Variants in PLEKHG5 observed in about 807,000 individuals in gnomAD.
The protein encoded by PLEKHG5 is pleckstrin homology and RhoGEF domain containing G5, also known as pleckstrin homology domain-containing family G member 5.
A neutral mutation model predicts 103.8 loss-of-function variants in PLEKHG5; 52 were observed. That is an observed-to-expected ratio of 0.50 (90% CI 0.40 to 0.63). The LOEUF (loss-of-function observed/expected upper bound fraction) is 0.63. Ranked by LOEUF, PLEKHG5 falls within the 30% of genes least tolerant of loss-of-function variation. The pLI, the probability that PLEKHG5 is intolerant of heterozygous loss-of-function variation, is 0.00. For synonymous variants in PLEKHG5, 592 were observed against 575.5 expected, an observed-to-expected ratio of 1.03 and a Z score of -0.41; for missense variants, 1,205 against 1,347.6, an observed-to-expected ratio of 0.89 and a Z score of 1.66.
rs1016266700 is a variant in PLEKHG5, at chr1:6,472,766, A to G, written c.985-144T>C. 28 of 752,752 alleles carry G rather than the reference A, an allele frequency of 3.7e-5. No homozygotes were observed. The Admixed American group carries it at 5.0e-4, about 14-fold the overall frequency. 46.6% of individuals were successfully genotyped at this position (752,752 alleles called of 1,614,324 possible). The stretch of plus-strand genomic sequence containing the variant: ...GGAGCAGGGTCACCCTTGACACCAC[A>G]TGAGTAATCACAGTTAAGACACCCA... On this transcript the variant is annotated intron_variant, in intron 9 of 20. Transcript: ENST00000377728.
intron 1 of PLEKHG5, among the ~76,000 whole-genome samples, chr1:6,477,987 T>G (rs1644808535): frequency 6.6e-6 from 1 of 152,014 alleles, no homozygotes; most frequent in African/African-American, 2.4e-5. Flanking sequence ...TTCACGCAAT[T>G]CTCCTGCCTC....
At chr1:6,485,431 G>A (rs1645006897) in intron 1 of PLEKHG5, 2 of 1,291,684 alleles carry the variant, frequency 1.5e-6, no homozygotes, top group Non-Finnish European at 2.0e-6. Context: ...GAGACACCGG[G>A]TCCTGTCCCC....
In PLEKHG5 at chr1:6,471,789, A is replaced by C; in HGVS notation, c.1100T>G (p.Leu367Arg). ...VIINLFLCCLLNLQESGLLCE... is the reference protein window; with the variant it reads ...VIINLFLCCLRNLQESGLLCE... ...CAGCAGCCCTGACTCTTGCAGGTTC[A>C]GGAGGCAGCACAGGAACAGCTGTGG... The change falls in exon 11 of 21, where the codon CTG (leucine) becomes CGG (arginine). Residue 367 changes from leucine (L) to arginine (R), a missense_variant. Physicochemically the swap from Leu to Arg is moderately radical, Grantham distance 102 (BLOSUM62 -2). Coordinates refer to ENST00000377728, the MANE Select transcript of PLEKHG5 (RefSeq NM_020631.6). 6.2e-7 allele frequency: 1 copy of C among 1,610,070 alleles called. No homozygotes were observed. Among genetic ancestry groups the C allele is most frequent in the African/African-American group, 1.3e-5 (1 of 74,992 alleles).
upstream of PLEKHG5, among the ~76,000 whole-genome samples, chr1:6,493,816 C>T (rs534907723): frequency 5.9e-5 from 9 of 152,026 alleles, no homozygotes; most frequent in Admixed American, 2.0e-4. Context: ...CCACCATGTC[C>T]GGCTAATTAT....
upstream of PLEKHG5, among the ~76,000 whole-genome samples, chr1:6,494,475 G>C (rs998122703): frequency 2.6e-5 from 4 of 151,422 alleles, no homozygotes; most frequent in Non-Finnish European, 2.9e-5. Flanking sequence ...TATTGCCCAG[G>C]TTGGCCTCAA....
chr1:6,473,086 T>A lies in PLEKHG5; in HGVS notation c.884A>T (p.Asp295Val), dbSNP rs1356599252. ...GTACTCCTCCTCCCAGGAGTCATGG[T>A]CGAAGCGCAGCCCCCGGGGCAGCCT... is the stretch of plus-strand genomic sequence containing the variant. Reference protein sequence around the residue: ...LPRLPRGLRFDHDSWEEEYDE... With the variant: ...LPRLPRGLRFVHDSWEEEYDE... The change falls in exon 9 of 21, where the codon GAC becomes GTC. Residue 295 changes from aspartate to valine, a missense_variant. Coordinates refer to ENST00000377728, the MANE Select transcript of PLEKHG5 (RefSeq NM_020631.6). 5 of 1,613,850 alleles carry A rather than the reference T, an allele frequency of 3.1e-6. No homozygotes were observed. The African/African-American group carries it at 6.7e-5, about 22-fold the overall frequency.
Position 6,469,672 on chromosome 1 carries a change from T to C in PLEKHG5, c.1805A>G (p.Asp602Gly). The C allele has an allele frequency of 6.2e-7, 1 of 1,612,740 alleles. No individual in the cohort carries two copies. The highest frequency in any genetic ancestry group is 8.5e-7 in the Non-Finnish European group (1 of 1,179,758). ...RMKEGKDSKM[D>G]VYCFLFTDLL... is the part of the protein sequence containing the mutation. ...ATCCGTGAAGAGGAAGCAGTACACA[T>C]CCATCTGCAGTGGCAGGAGGGGGGG... Residue 602 changes from aspartate (D) to glycine (G), a missense_variant, in exon 17 of 21, where the codon GAT (aspartate) becomes GGT (glycine). Physicochemically the swap from Asp to Gly is moderately conservative, Grantham distance 94. Transcript: ENST00000377728.
At chr1:6,519,479 T>C (rs780943124) in exon 1 of PLEKHG5, 2 of 1,613,924 alleles carry the variant, frequency 1.2e-6, no homozygotes. Context: ...AGCTTCGAGG[T>C]GGAGACCCAT....
At chr1:6,472,792 A>G (rs1186658729) in intron 9 of PLEKHG5, among the ~76,000 whole-genome samples, 170 bp from the exon 10 acceptor site, 2 of 152,186 alleles carry the variant, frequency 1.3e-5, no homozygotes, top group Non-Finnish European at 2.9e-5. Flanking sequence ...AAGACACCCA[A>G]GATCTGGGCC....
At chr1:6,474,832 C>T in intron 5 of PLEKHG5, 1 of 663,196 alleles carries the variant, frequency 1.5e-6, no homozygotes, top group South Asian at 1.7e-5. Flanking sequence ...AGGCCTGGCT[C>T]CTGCATACAT....
At position 6,490,659 on chromosome 1, in the gene PLEKHG5, G is replaced by T. The variant is rs1346297660; in HGVS notation, c.-88+978C>A. Reference sequence around the variant, plus strand: ...CCGGCCGGGATGTACCAACGGCGCCGCCCGGCTGGGACCGGGGAGAGGAGG... The same window carrying T: ...CCGGCCGGGATGTACCAACGGCGCCTCCCGGCTGGGACCGGGGAGAGGAGG... On this transcript the variant is annotated intron_variant, in intron 1 of 20. Coordinates refer to ENST00000377728, the MANE Select transcript of PLEKHG5 (RefSeq NM_020631.6). This position sits in a 1 kb window ranked among gnomAD's most constrained non-coding sequence, Gnocchi z 8.0. 2 of 951,490 alleles carry T rather than the reference G, an allele frequency of 2.1e-6. No homozygotes were observed. The highest frequency in any genetic ancestry group is 2.5e-6 in the Non-Finnish European group (2 of 799,332). The allele number at this position is 951,490 out of a possible 1,614,324, so 58.9% of individuals were successfully genotyped here. A position where few individuals can be genotyped will look rare whatever the true frequency, so the allele number is the denominator to read the frequency against.
intron 1 of PLEKHG5, among the ~76,000 whole-genome samples, chr1:6,502,926 G>T (rs529690282): frequency 1.3e-5 from 2 of 152,212 alleles, no homozygotes; most frequent in South Asian, 4.1e-4. Context: ...TGCCGGCCCC[G>T]GGGAGAGCTG....
exon 1 of PLEKHG5, chr1:6,519,640 C>T: frequency 1.3e-6 from 1 of 750,106 alleles, no homozygotes; most frequent in South Asian, 1.4e-5. Flanking sequence ...TGGAAGGCTT[C>T]TCCCCGACTC....
chr1:6,496,835 T>A (rs995727798), upstream of PLEKHG5: 78 of 605,644 alleles, frequency 1.3e-4, 1 homozygote, highest in African/African-American at 1.5e-3. Flanking sequence ...CCTCTGTCCC[T>A]CTAGTCTGGG....
chr1:6,485,070 C>T (rs1178617769), intron 1 of PLEKHG5, among the ~76,000 whole-genome samples: 1 of 152,072 alleles, frequency 6.6e-6, no homozygotes, highest in Non-Finnish European at 1.5e-5. Context: ...CCGGAGCTGG[C>T]CCCAGACACA....
At chr1:6,475,728 T>A (rs954648573) in intron 3 of PLEKHG5, among the ~76,000 whole-genome samples, 1 of 152,042 alleles carries the variant, frequency 6.6e-6, no homozygotes, top group Admixed American at 6.5e-5. Flanking sequence ...TGGTCTGGTG[T>A]GGGCTAGGAT....
intron 9 of PLEKHG5, 103 bp downstream of exon 9, chr1:6,472,883 T>G: frequency 9.1e-7 from 1 of 1,097,548 alleles, no homozygotes; most frequent in Non-Finnish European, 1.4e-6. Flanking sequence ...ATGGTAACAG[T>G]GGCCTCTTTG....
rs1645137604 is a variant in PLEKHG5 at position 6,490,759 on chromosome 1, T to G, written c.-88+878A>C. Among the ~76,000 whole-genome samples the G allele has an allele frequency of 1.3e-5, 2 of 151,152 alleles. No individual in the cohort carries two copies. Among genetic ancestry groups the G allele is most frequent in the Non-Finnish European group, 1.5e-5 (1 of 67,820 alleles). On this transcript the variant is annotated intron_variant, in intron 1 of 20. Coordinates refer to ENST00000377728, the MANE Select transcript of PLEKHG5 (RefSeq NM_020631.6). This position sits in a 1 kb window ranked among gnomAD's most constrained non-coding sequence, Gnocchi z 8.0. The stretch of plus-strand genomic sequence containing the variant: ...GGCGGTGGCTTGGGGTAATCCAGGA[T>G]CCGGGCTCAGGGGAGGGGGTGGGGG...
Position 6,468,246 on chromosome 1 carries a change from C to T in PLEKHG5, c.2590G>A (p.Val864Ile). 1 of 1,600,104 alleles carries T rather than the reference C, an allele frequency of 6.2e-7. No homozygotes were observed. Among genetic ancestry groups the T allele is most frequent in the Non-Finnish European group, 8.5e-7 (1 of 1,171,266 alleles). Residue 864 changes from valine (V) to isoleucine (I), a missense_variant, in exon 20 of 21, where the codon GTC becomes ATC. Coordinates refer to ENST00000377728, the MANE Select transcript of PLEKHG5 (RefSeq NM_020631.6). ...TGGGGCGGGCAGCTCAACAGCTGGACAGGGGTGCGGCGGCGGAGACGGGGC... is the reference window on the plus strand; with the variant it reads ...TGGGGCGGGCAGCTCAACAGCTGGATAGGGGTGCGGCGGCGGAGACGGGGC... ...PSPRLRRRTP[V>I]QLLSCPPHLL...
Sources: allele counts gnomAD v4.1 joint callset (sites outside exome capture counted in the v4.1 genomes callset), GRCh38; gene constraint gnomAD v4.1.1; non-coding constraint Gnocchi (gnomAD v3.1); transcripts MANE v1.5; gene names NCBI Gene and HGNC (gene_info 2026-07-23, HGNC 2026-07-21).